CLGN: variants seen among roughly 807,000 people sequenced by gnomAD.
CLGN encodes testis tissue sperm-binding protein Li 79P.
Under a neutral mutation model 79.1 loss-of-function variants are expected in CLGN, and 62 were observed. The observed-to-expected ratio is 0.78, with a 90% CI of 0.64 to 0.97. The LOEUF (loss-of-function observed/expected upper bound fraction) is 0.97, where lower values mean the gene tolerates loss of function less well. Ranked by LOEUF, CLGN falls within the 50% of genes least tolerant of loss-of-function variation. CLGN has a pLI of 0.00. For synonymous variants in CLGN, 225 were observed against 224.7 expected, an observed-to-expected ratio of 1.00 and a Z score of -0.01; for missense variants, 647 against 715.5, an observed-to-expected ratio of 0.90 and a Z score of 1.09.
intron 14 of CLGN, among the ~76,000 whole-genome samples, chr4:140,390,074 T>A (rs551516235): frequency 3.4e-4 from 52 of 151,208 alleles, no homozygotes; most frequent in Non-Finnish European, 5.3e-4. Context: ...CATTCCATAA[T>A]AACTTACAAA....
chr4:140,406,149 C>G, intron 4 of CLGN, 66 bp from the exon 5 acceptor site: 1 of 1,455,920 alleles, frequency 6.9e-7, no homozygotes. Context: ...TATTTATCAG[C>G]AGTTGTGAAC....
chr4:140,407,274 C>G (rs1729126380), intron 4 of CLGN, among the ~76,000 whole-genome samples: 1 of 151,878 alleles, frequency 6.6e-6, no homozygotes, highest in South Asian at 2.1e-4. Context: ...CCTCTCGCCC[C>G]CTATAAAGGT....
intron 8 of CLGN, among the ~76,000 whole-genome samples, chr4:140,398,546 A>G (rs1298093535): frequency 6.6e-6 from 1 of 152,072 alleles, no homozygotes; most frequent in East Asian, 1.9e-4. Context: ...TACAATAAAG[A>G]TCAAACTAGG....
chr4:140,404,904 C>T (rs1348671697), intron 5 of CLGN, among the ~76,000 whole-genome samples: 1 of 151,958 alleles, frequency 6.6e-6, no homozygotes, highest in Non-Finnish European at 1.5e-5. Context: ...TGTCTGCCCA[C>T]CTAGGCCTCC....
chr4:140,392,808 C>T, intron 11 of CLGN, 97 bp from the exon 12 acceptor site: 2 of 1,150,650 alleles, frequency 1.7e-6, no homozygotes, highest in South Asian at 2.1e-5. Flanking sequence ...AGGCATTTTA[C>T]ATTAAGGAGT....
At position 140,405,927 on chromosome 4, in the gene CLGN, CAT is replaced by C; in HGVS notation, c.419+13_419+14del. The C allele has an allele frequency of 1.3e-6, 2 of 1,586,436 alleles. No homozygotes were observed. The highest frequency in any genetic ancestry group is 1.7e-6 in the Non-Finnish European group (2 of 1,170,042). On this transcript the variant is annotated intron_variant, in intron 5 of 14. Coordinates refer to ENST00000325617, the MANE Select transcript of CLGN (RefSeq NM_004362.3). ...AAAATTCAGAAAAAGTATTCAAAAA[CAT>C]AGCAACACTTACTGAACTATCAAGG... is the stretch of plus-strand genomic sequence containing the variant.
intron 1 of CLGN, among the ~76,000 whole-genome samples, chr4:140,422,206 G>A (rs1729483443): frequency 6.6e-6 from 1 of 152,164 alleles, no homozygotes; most frequent in South Asian, 2.1e-4. Context: ...TTGAAACAGA[G>A]ATGTGAGATT....
intron 1 of CLGN, among the ~76,000 whole-genome samples, chr4:140,417,828 C>T (rs1729375397): frequency 6.7e-6 from 1 of 149,590 alleles, no homozygotes; most frequent in Non-Finnish European, 1.5e-5. Flanking sequence ...CAATGCCTTT[C>T]TTCACAGAAT....
Position 140,398,955 on chromosome 4 carries a change from A to C in CLGN, c.780T>G (p.Pro260=). The part of the protein sequence containing the change: ...KGSLLEDVVP[P]IKPPKEIEDP... ...CTTCAATTTCTTTGGGAGGTTTGAT[A>C]GGAGGAACCACATCCTCTAGGAGGC... is the stretch of plus-strand genomic sequence containing the variant. The change falls in exon 8 of 15, where the codon CCT becomes CCG. Residue 260 remains proline (P), a synonymous_variant. Transcript: ENST00000325617. The C allele has an allele frequency of 6.2e-7, 1 of 1,613,904 alleles. No homozygotes were observed. Among genetic ancestry groups the C allele is most frequent in the Non-Finnish European group, 8.5e-7 (1 of 1,179,846 alleles).
At chr4:140,407,012 T>C (rs1277615710) in intron 4 of CLGN, among the ~76,000 whole-genome samples, 5 of 152,172 alleles carry the variant, frequency 3.3e-5, no homozygotes, top group Admixed American at 3.3e-4. Context: ...TTATATCATT[T>C]TTTTTCTTTC....
intron 1 of CLGN, among the ~76,000 whole-genome samples, chr4:140,424,194 A>C (rs1327318957): frequency 6.6e-6 from 1 of 152,064 alleles, no homozygotes; most frequent in Non-Finnish European, 1.5e-5. Context: ...GTATCCCATA[A>C]GTTTTGGTAT....
chr4:140,410,404 A>G (rs1433041014), intron 3 of CLGN, 149 bp downstream of exon 3: 1 of 612,328 alleles, frequency 1.6e-6, no homozygotes, highest in African/African-American at 1.9e-5. Flanking sequence ...CAATTACAAA[A>G]ATATACTAAG....
At chr4:140,392,463 T>C in intron 12 of CLGN, 85 bp from the exon 13 acceptor site, 5 of 1,484,782 alleles carry the variant, frequency 3.4e-6, no homozygotes, top group Non-Finnish European at 4.5e-6. Context: ...ACATACATAA[T>C]GAACTATCAG....
At chr4:140,417,710 A>G (rs905430495) in intron 1 of CLGN, among the ~76,000 whole-genome samples, 1 of 152,086 alleles carries the variant, frequency 6.6e-6, no homozygotes, top group Non-Finnish European at 1.5e-5. Flanking sequence ...GAGGACACAA[A>G]CAAATGGAAG....
chr4:140,407,009 A>AT (rs796206180), intron 4 of CLGN, among the ~76,000 whole-genome samples: 24 of 152,046 alleles, frequency 1.6e-4, no homozygotes, highest in Non-Finnish European at 3.1e-4. Context: ...CTCTTATATC[A>AT]TTTTTTTTCT....
At chr4:140,405,122 A>G (rs1368309530) in intron 5 of CLGN, among the ~76,000 whole-genome samples, 4 of 151,192 alleles carry the variant, frequency 2.6e-5, no homozygotes, top group Non-Finnish European at 5.9e-5. Context: ...AATTTTTATT[A>G]TTCTGTTCTG....
intron 1 of CLGN, among the ~76,000 whole-genome samples, chr4:140,419,397 CAAAT>C (rs1199615983): frequency 6.6e-6 from 1 of 151,818 alleles, no homozygotes; most frequent in Non-Finnish European, 1.5e-5. Flanking sequence ...TTATCAAACA[CAAAT>C]AATATGTAGA....
chr4:140,400,603 C>T, intron 6 of CLGN, 54 bp from the exon 7 acceptor site: 1 of 1,167,108 alleles, frequency 8.6e-7, no homozygotes, highest in Non-Finnish European at 1.2e-6. Flanking sequence ...CTATTTAATG[C>T]ATTTCTGTAT....
Position 140,396,223 on chromosome 4 carries a change from T to C in CLGN, c.885-18A>G. On this transcript the variant is annotated intron_variant, in intron 8 of 14. Transcript: ENST00000325617. ...TTTCATCCCTGTAAATACAACGTTT[T>C]ATATTACTAATTATTCAGAAAGTTT... is the stretch of plus-strand genomic sequence containing the variant. 6.5e-7 allele frequency: 1 copy of C among 1,548,310 alleles called. No homozygotes were observed. Among genetic ancestry groups the C allele is most frequent in the Non-Finnish European group, 8.9e-7 (1 of 1,120,918 alleles).
Sources: allele counts gnomAD v4.1 joint callset (sites outside exome capture counted in the v4.1 genomes callset), GRCh38; gene constraint gnomAD v4.1.1; transcripts MANE v1.5; gene names NCBI Gene and HGNC (gene_info 2026-07-23, HGNC 2026-07-21).